Variants in MACROD2 observed in about 807,000 individuals in gnomAD.
MACROD2 encodes ADP-ribose glycohydrolase MACROD2.
MACROD2 carries 36 observed loss-of-function variants against 70.4 expected under a neutral mutation model. The observed-to-expected ratio is 0.51, with a 90% CI of 0.39 to 0.68. The LOEUF (loss-of-function observed/expected upper bound fraction) is 0.68. Ranked by LOEUF, MACROD2 falls within the 30% of genes least tolerant of loss-of-function variation. The pLI, the probability that MACROD2 is intolerant of heterozygous loss-of-function variation, is 0.00. For synonymous variants in MACROD2, 172 were observed against 178.8 expected (o/e 0.96, Z 0.30); for missense variants, 496 against 538.4 (o/e 0.92, Z 0.78).
intron 12 of MACROD2, among the ~76,000 whole-genome samples, chr20:15,945,532 C>G (rs1035027813): frequency 3.3e-5 from 5 of 152,160 alleles, no homozygotes; most frequent in Non-Finnish European, 5.9e-5. Context: ...GGAAAGATTC[C>G]AGAAATGTGA....
At chr20:14,637,989 C>T (rs1313027235) in intron 4 of MACROD2, among the ~76,000 whole-genome samples, 2 of 152,088 alleles carry the variant, frequency 1.3e-5, no homozygotes, top group South Asian at 4.2e-4. Context: ...TCTATAATTT[C>T]ATTTCTGAAG....
intron 8 of MACROD2, among the ~76,000 whole-genome samples, chr20:15,610,403 T>G (rs1347323014): frequency 2.0e-5 from 3 of 152,190 alleles, no homozygotes; most frequent in Admixed American, 6.5e-5. Flanking sequence ...TTCTAGCTTC[T>G]GATGGCCGTC....
At chr20:14,598,371 A>T (rs1982276899) in intron 4 of MACROD2, among the ~76,000 whole-genome samples, 1 of 152,024 alleles carries the variant, frequency 6.6e-6, no homozygotes, top group African/African-American at 2.4e-5. Flanking sequence ...TTTTTAATTG[A>T]CCTTCATTAT....
chr20:14,470,010 T>A (rs1253179800), intron 3 of MACROD2, among the ~76,000 whole-genome samples: 1 of 152,046 alleles, frequency 6.6e-6, no homozygotes, highest in East Asian at 1.9e-4. Context: ...GAAGAGGCAT[T>A]CTGGTTTTTG....
chr20:15,259,099 A>G (rs765616047), intron 6 of MACROD2, among the ~76,000 whole-genome samples: 9 of 152,026 alleles, frequency 5.9e-5, no homozygotes, highest in Non-Finnish European at 1.0e-4. Flanking sequence ...TCATCTCCAT[A>G]GAAATTCAAG....
rs545339663 is a variant in MACROD2, at chr20:15,373,007, A to G, written c.541-58398A>G. ...ATTGAGGCTGCAGTGAGCTGTGATC[A>G]TGTGATCACACCACTGCACTCCAGC... is the stretch of plus-strand genomic sequence containing the variant. On this transcript the variant is annotated intron_variant, in intron 6 of 17. Transcript: ENST00000684519. 1.4e-3 allele frequency among the ~76,000 whole-genome samples: 220 copies of G among 152,226 alleles called. 1 individual carries two copies. Among genetic ancestry groups the G allele is most frequent in the South Asian group, 7.5e-3 (36 of 4,822 alleles).
intron 5 of MACROD2, among the ~76,000 whole-genome samples, chr20:14,823,907 C>G (rs1375327474): frequency 6.6e-6 from 1 of 152,006 alleles, no homozygotes; most frequent in Non-Finnish European, 1.5e-5. Flanking sequence ...TCAAAATACT[C>G]CAAGTACAAA....
chr20:14,806,653 C>G (rs888568904), intron 5 of MACROD2, among the ~76,000 whole-genome samples: 6 of 152,046 alleles, frequency 3.9e-5, no homozygotes, highest in African/African-American at 1.4e-4. Context: ...CTCAGTGGAT[C>G]CCACCCCCAC....
At chr20:15,299,107 G>A (rs1050620659) in intron 6 of MACROD2, among the ~76,000 whole-genome samples, 2 of 152,162 alleles carry the variant, frequency 1.3e-5, no homozygotes, top group African/African-American at 2.4e-5. Flanking sequence ...TTTAACCAGG[G>A]TTTGCTGTCT....
chr20:15,787,262 T>A (rs763075338), intron 8 of MACROD2, among the ~76,000 whole-genome samples: 1 of 152,136 alleles, frequency 6.6e-6, no homozygotes, highest in Non-Finnish European at 1.5e-5. Flanking sequence ...CGAAGAAACA[T>A]TTTCTACTGT....
chr20:15,065,278 C>T (rs1005231032), intron 5 of MACROD2, among the ~76,000 whole-genome samples: 2 of 152,086 alleles, frequency 1.3e-5, no homozygotes, highest in Non-Finnish European at 2.9e-5. Flanking sequence ...TTCAGATAGA[C>T]TGGTACATGG....
At chr20:15,209,383 G>A (rs1568638461) in intron 5 of MACROD2, among the ~76,000 whole-genome samples, 1 of 152,080 alleles carries the variant, frequency 6.6e-6, no homozygotes, top group Non-Finnish European at 1.5e-5. Flanking sequence ...TCCTAGTCCA[G>A]AGCTAGATAT....
At chr20:14,062,479 G>A (rs1298143993) in intron 2 of MACROD2, among the ~76,000 whole-genome samples, 1 of 152,102 alleles carries the variant, frequency 6.6e-6, no homozygotes, top group Non-Finnish European at 1.5e-5. Flanking sequence ...ATATGAATAG[G>A]AGTTTCTCAA....
chr20:15,700,026 C>T (rs2050434096), intron 8 of MACROD2, among the ~76,000 whole-genome samples: 1 of 152,168 alleles, frequency 6.6e-6, no homozygotes, highest in Admixed American at 6.5e-5. Flanking sequence ...AGACCTTCAG[C>T]TTCTCCAGTG....
chr20:14,613,992 A>T (rs1983322224), intron 4 of MACROD2, among the ~76,000 whole-genome samples: 1 of 152,058 alleles, frequency 6.6e-6, no homozygotes, highest in Non-Finnish European at 1.5e-5. Flanking sequence ...TGTTGTTGTT[A>T]TTATTTCCAC....
At chr20:15,611,095 A>G (rs527414434) in intron 8 of MACROD2, among the ~76,000 whole-genome samples, 1 of 145,404 alleles carries the variant, frequency 6.9e-6, no homozygotes, top group Admixed American at 7.2e-5. Flanking sequence ...TGCAATCCTA[A>G]GAGACTCATG....
chr20:14,049,078 C>T (rs896348569), intron 2 of MACROD2, among the ~76,000 whole-genome samples: 9 of 150,372 alleles, frequency 6.0e-5, no homozygotes, highest in African/African-American at 2.2e-4. Flanking sequence ...GGCTGAAATA[C>T]GTGTTGAAAA....
chr20:15,085,874 A>C (rs1412022975), intron 5 of MACROD2, among the ~76,000 whole-genome samples: 5 of 7,826 alleles, frequency 6.4e-4, no homozygotes, highest in Non-Finnish European at 2.0e-3. Context: ...CACACACACA[A>C]CACACACACA....
At chr20:15,850,703 T>A (rs1294058870) in intron 8 of MACROD2, among the ~76,000 whole-genome samples, 1 of 152,206 alleles carries the variant, frequency 6.6e-6, no homozygotes, top group African/African-American at 2.4e-5. Context: ...CTGATGGCAG[T>A]CACTGCACGG....
Sources: gnomAD v4.1 joint callset for allele counts (sites outside exome capture counted in the v4.1 genomes callset) on GRCh38, gnomAD v4.1.1 for gene constraint, MANE v1.5 for transcripts, NCBI Gene and HGNC (gene_info 2026-07-23, HGNC 2026-07-21) for gene names.